Variants in PIK3C2G observed in about 807,000 individuals in gnomAD.
PIK3C2G encodes the protein phosphatidylinositol-4-phosphate 3-kinase catalytic subunit type 2 gamma.
PIK3C2G carries 168 observed loss-of-function variants against 181.1 expected under a neutral mutation model. The ratio of observed to expected loss-of-function variants is 0.93; its 90% CI spans 0.82 to 1.05. PIK3C2G has a LOEUF of 1.05. PIK3C2G is among the 50% of genes least tolerant of loss of function. The pLI, the probability that PIK3C2G is intolerant of heterozygous loss-of-function variation, is 0.00. For missense variants in PIK3C2G, 1,869 were observed against 1,732.8 expected (o/e 1.08, Z -1.40); for synonymous variants, 573 against 592.2 (o/e 0.97, Z 0.47).
Position 18,424,015 on chromosome 12 carries a change from T to G in PIK3C2G, c.2480T>G (p.Ile827Ser). The G allele has an allele frequency of 6.2e-7, 1 of 1,610,668 alleles. No homozygotes were observed. Among genetic ancestry groups the G allele is most frequent in the Non-Finnish European group, 8.5e-7 (1 of 1,178,158 alleles). ...CTACTCCACCGCTCCTTGCAGAGCATCCAGGTTGCCCATCGTCTTTACTGG... is the reference window on the plus strand; with the variant it reads ...CTACTCCACCGCTCCTTGCAGAGCAGCCAGGTTGCCCATCGTCTTTACTGG... ...QLLLHRSLQS[I>S]QVAHRLYWLL... The change falls in exon 18 of 33, where the codon ATC (isoleucine) becomes AGC (serine). Residue 827 changes from isoleucine (I) to serine (S), a missense_variant. Physicochemically the swap from Ile to Ser is moderately radical, Grantham distance 142. Coordinates refer to ENST00000538779, the MANE Select transcript of PIK3C2G (RefSeq NM_001288772.2).
chr12:18,474,278 G>A (rs1020713591), intron 18 of PIK3C2G, among the ~76,000 whole-genome samples: 2 of 152,036 alleles, frequency 1.3e-5, no homozygotes, highest in Non-Finnish European at 2.9e-5. Flanking sequence ...TTCCAACTCA[G>A]ATATAGCCAA....
chr12:18,513,690 C>T (rs1942354796), intron 24 of PIK3C2G, among the ~76,000 whole-genome samples: 1 of 151,188 alleles, frequency 6.6e-6, no homozygotes, highest in African/African-American at 2.4e-5. Flanking sequence ...TTCTTTTTTT[C>T]CTAGTTAGTC....
chr12:18,628,390 T>A (rs1403531076), intron 31 of PIK3C2G, among the ~76,000 whole-genome samples: 1 of 152,180 alleles, frequency 6.6e-6, no homozygotes, highest in Non-Finnish European at 1.5e-5. Context: ...TGCTACTGCT[T>A]TTTTTCTGTT....
At chr12:18,257,288 C>T (rs1948155450), upstream of PIK3C2G, among the ~76,000 whole-genome samples, 1 of 152,036 alleles carries the variant, frequency 6.6e-6, no homozygotes, top group Admixed American at 6.6e-5. Context: ...CGGTTTGATG[C>T]AATACTGTTA....
chr12:18,711,354 A>G, the PIK3C2G span, among the ~76,000 whole-genome samples: 3 of 121,900 alleles, frequency 2.5e-5, no homozygotes, highest in South Asian at 8.4e-4. Flanking sequence ...TGGACACAGG[A>G]AGGGGAACAT....
intron 11 of PIK3C2G, among the ~76,000 whole-genome samples, chr12:18,351,571 T>C (rs1331334060): frequency 2.0e-5 from 3 of 152,176 alleles, no homozygotes; most frequent in Non-Finnish European, 4.4e-5. Context: ...TCTGTGAGTT[T>C]TGCGCTGGGA....
intron 18 of PIK3C2G, among the ~76,000 whole-genome samples, chr12:18,438,120 T>A (rs1285207511): frequency 6.6e-6 from 1 of 151,928 alleles, no homozygotes; most frequent in Non-Finnish European, 1.5e-5. Flanking sequence ...TTTGTCTCAA[T>A]AAATTAATTT....
intron 30 of PIK3C2G, among the ~76,000 whole-genome samples, chr12:18,603,485 C>T (rs7952885): frequency 0.043 from 6,577 of 152,070 alleles, 461 homozygotes; most frequent in African/African-American, 0.15. Context: ...CCAGCCTTGC[C>T]GGAGTCCTAG....
upstream of PIK3C2G, among the ~76,000 whole-genome samples, chr12:18,256,982 C>T (rs777628554): frequency 6.6e-6 from 1 of 152,046 alleles, no homozygotes; most frequent in African/African-American, 2.4e-5. Flanking sequence ...CAGGACAACT[C>T]TTCCGTTCTC....
Position 18,563,418 on chromosome 12 carries a change from C to A in PIK3C2G, c.3822C>A (p.Ser1274Arg), listed in dbSNP as rs387907451. The A allele has an allele frequency of 1.2e-6, 2 of 1,613,256 alleles. No homozygotes were observed. The highest frequency in any genetic ancestry group is 2.2e-5 in the East Asian group (1 of 44,864). ...TGACACACAGCAACAACGAAACAAG[C>A]CTGACAGAAAAATCATTTGAGCAGT... Reference protein sequence around the residue: ...IQVTHSNNETSLTEKSFEQFS... With the variant: ...IQVTHSNNETRLTEKSFEQFS... Residue 1274 changes from serine (S) to arginine (R), a missense_variant, in exon 28 of 33, where the codon AGC becomes AGA. Coordinates refer to ENST00000538779, the MANE Select transcript of PIK3C2G (RefSeq NM_001288772.2).
chr12:18,584,004 T>G (rs1038608423), intron 29 of PIK3C2G, among the ~76,000 whole-genome samples: 1 of 151,676 alleles, frequency 6.6e-6, no homozygotes, highest in Non-Finnish European at 1.5e-5. Flanking sequence ...AAATAGACAG[T>G]TTTTTAAATA....
At chr12:18,470,140 C>T (rs1483839705) in intron 18 of PIK3C2G, among the ~76,000 whole-genome samples, 1 of 151,966 alleles carries the variant, frequency 6.6e-6, no homozygotes, top group East Asian at 1.9e-4. Context: ...ATATAGTAAA[C>T]AATTTGGGAG....
chr12:18,698,506 C>T, the PIK3C2G span, among the ~76,000 whole-genome samples: 1 of 152,104 alleles, frequency 6.6e-6, no homozygotes, highest in Non-Finnish European at 1.5e-5. Context: ...CTATGACCAG[C>T]CCAATAAGGT....
chr12:18,658,585 T>C, the PIK3C2G span, among the ~76,000 whole-genome samples: 1 of 152,208 alleles, frequency 6.6e-6, no homozygotes, highest in South Asian at 2.1e-4. Flanking sequence ...ATAAAAACTA[T>C]TTTTGAAAAA....
intron 18 of PIK3C2G, among the ~76,000 whole-genome samples, chr12:18,483,571 T>A (rs779672079): frequency 6.6e-6 from 1 of 152,074 alleles, no homozygotes; most frequent in Non-Finnish European, 1.5e-5. Context: ...TTTTTTTATC[T>A]GAAATATTAT....
Position 18,346,775 on chromosome 12 carries a change from C to T in PIK3C2G, c.1564C>T (p.Pro522Ser). The stretch of plus-strand genomic sequence containing the variant: ...CACTTCCTATCTAAATCCCGGGCTT[C>T]CTTCCCACCTCAGCTTCACAGTGTA... Reference protein sequence around the residue: ...RCTSYLNPGLPSHLSFTVYAA... With the variant: ...RCTSYLNPGLSSHLSFTVYAA... Residue 522 changes from proline to serine, a missense_variant, in exon 11 of 33, where the codon CCT (proline) becomes TCT (serine). Coordinates refer to ENST00000538779, the MANE Select transcript of PIK3C2G (RefSeq NM_001288772.2). 1.2e-6 allele frequency: 2 copies of T among 1,613,728 alleles called. No individual in the cohort carries two copies. The highest frequency in any genetic ancestry group is 2.2e-5 in the East Asian group (1 of 44,864).
the PIK3C2G span, among the ~76,000 whole-genome samples, chr12:18,667,223 C>A: frequency 6.6e-6 from 1 of 152,112 alleles, no homozygotes; most frequent in Non-Finnish European, 1.5e-5. Flanking sequence ...AGTTCAAATA[C>A]GTAAGTGAAT....
At chr12:18,296,278 C>A (rs1949937128) in intron 5 of PIK3C2G, among the ~76,000 whole-genome samples, 1 of 152,042 alleles carries the variant, frequency 6.6e-6, no homozygotes, top group Admixed American at 6.6e-5. Context: ...CTGATATTAA[C>A]ACCGTGTTCT....
intron 24 of PIK3C2G, among the ~76,000 whole-genome samples, chr12:18,517,572 A>G (rs1295845111): frequency 6.6e-6 from 1 of 152,098 alleles, no homozygotes; most frequent in African/African-American, 2.4e-5. Flanking sequence ...TGATTTTTGC[A>G]CATTGATTTT....
Sources: allele counts gnomAD v4.1 joint callset (sites outside exome capture counted in the v4.1 genomes callset), GRCh38; gene constraint gnomAD v4.1.1; transcripts MANE v1.5; gene names NCBI Gene and HGNC (gene_info 2026-07-23, HGNC 2026-07-21).